UBXN11: variants seen among roughly 807,000 people sequenced by gnomAD.
UBXN11 encodes UBX domain protein 11, also known as UBX domain-containing protein 11.
UBXN11 carries 47 observed loss-of-function variants against 62.8 expected under a neutral mutation model. The ratio of observed to expected loss-of-function variants is 0.75; its 90% CI spans 0.59 to 0.95. UBXN11 has a LOEUF of 0.95. UBXN11 is among the 40% of genes least tolerant of loss of function. The pLI is 0.00. For synonymous variants in UBXN11, 294 were observed against 267.0 expected (o/e 1.10, Z -0.99); for missense variants, 638 against 661.7 (o/e 0.96, Z 0.39).
At chr1:26,300,722 G>A (rs561066152) in intron 4 of UBXN11, among the ~76,000 whole-genome samples, 1 of 152,326 alleles carries the variant, frequency 6.6e-6, no homozygotes, top group Non-Finnish European at 1.5e-5. Context: ...CTGGGGCTGG[G>A]GCTGGGCCTC....
In UBXN11 at chr1:26,282,749, T is replaced by C; in HGVS notation, c.1192A>G (p.Met398Val). The C allele has an allele frequency of 6.2e-7, 1 of 1,614,172 alleles. No individual in the cohort carries two copies. The highest frequency in any genetic ancestry group is 8.5e-7 in the Non-Finnish European group (1 of 1,180,014). Residue 398 changes from methionine to valine, a missense_variant, in exon 14 of 15, where the codon ATG (methionine) becomes GTG (valine). Transcript: ENST00000374222. ...SPNTPAPPLS[M>V]LRIKSENGEQ... ...CCATTCTCAGACTTGATGCGCAGCA[T>C]GGAGAGCGGGGGTGCCGGCGTGTTG...
Position 26,285,220 on chromosome 1 carries a change from G to A in UBXN11, c.852+244C>T, listed in dbSNP as rs926245145. The A allele has an allele frequency of 7.7e-6, 10 of 1,305,384 alleles. No homozygotes were observed. The African/African-American group carries it at 1.4e-4, about 18-fold the overall frequency. The allele number at this position is 1,305,384 out of a possible 1,614,324, so 80.9% of individuals were successfully genotyped here. ...CCTGAAAGCTGGGGAGGACTAGAAG[G>A]CAGGGGCCCCGCAGCCGAGGCTGTC... is the stretch of plus-strand genomic sequence containing the variant. On this transcript the variant is annotated intron_variant, in intron 10 of 14. Coordinates refer to ENST00000374222, the MANE Select transcript of UBXN11 (RefSeq NM_001389556.1).
At chr1:26,284,946 T>C in intron 10 of UBXN11, 1 of 1,001,568 alleles carries the variant, frequency 1.0e-6, no homozygotes, top group South Asian at 4.2e-5. Flanking sequence ...TGGTGACACA[T>C]GCTCCCTCCC....
intron 12 of UBXN11, 57 bp from the exon 13 acceptor site, chr1:26,282,994 A>C: frequency 2.5e-6 from 4 of 1,608,628 alleles, no homozygotes; most frequent in Non-Finnish European, 3.4e-6. Flanking sequence ...AGTCATCCCC[A>C]CAAACCTTAG....
In UBXN11 at chr1:26,298,080, T is replaced by C; in HGVS notation, c.200-18A>G. 6.2e-7 allele frequency: 1 copy of C among 1,609,240 alleles called. No homozygotes were observed. Among genetic ancestry groups the C allele is most frequent in the South Asian group, 1.1e-5 (1 of 90,582 alleles). On this transcript the variant is annotated intron_variant, in intron 4 of 14. Coordinates refer to ENST00000374222, the MANE Select transcript of UBXN11 (RefSeq NM_001389556.1). ...TGCAGGGACTGCCAAGCACACAAAGTCTTTAGAGCCCAGACCTAGAGCCGA... is the reference window on the plus strand; with the variant it reads ...TGCAGGGACTGCCAAGCACACAAAGCCTTTAGAGCCCAGACCTAGAGCCGA...
Position 26,301,707 on chromosome 1 carries a change from G to A in UBXN11, c.87C>T (p.Arg29=). The part of the protein sequence containing the change: ...EPMNPGRRGI[R]IYGDEDEVDM... ...GGGCACACTTACCATCTCCATAGATGCGGATTCCTCGCCTCCTGGGAACCC... is the reference window on the plus strand; with the variant it reads ...GGGCACACTTACCATCTCCATAGATACGGATTCCTCGCCTCCTGGGAACCC... Residue 29 remains arginine (R), a synonymous_variant, in exon 3 of 15, where the codon CGC becomes CGT. Transcript: ENST00000374222. 6.2e-7 allele frequency: 1 copy of A among 1,614,018 alleles called. No individual in the cohort carries two copies. The highest frequency in any genetic ancestry group is 8.5e-7 in the Non-Finnish European group (1 of 1,179,936).
chr1:26,308,506 C>A (rs148358187), upstream of UBXN11, among the ~76,000 whole-genome samples: 1 of 151,974 alleles, frequency 6.6e-6, no homozygotes, highest in African/African-American at 2.4e-5. Context: ...GGAGTCTGGG[C>A]GGAAAGTGTG....
At chr1:26,285,628 C>T in intron 9 of UBXN11, 87 bp from the exon 10 acceptor site, 1 of 1,405,320 alleles carries the variant, frequency 7.1e-7, no homozygotes, top group Admixed American at 2.6e-5. Flanking sequence ...GGCCCTAGAT[C>T]CAGGGTCACC....
At chr1:26,303,037 C>T in intron 1 of UBXN11, 119 bp from the exon 2 acceptor site, 1 of 644,952 alleles carries the variant, frequency 1.6e-6, no homozygotes. Context: ...GTCTAGGCAG[C>T]AGTACCTTTT....
chr1:26,315,899 A>T (rs2073785890), intron 1 of UBXN11, among the ~76,000 whole-genome samples: 1 of 149,828 alleles, frequency 6.7e-6, no homozygotes, highest in South Asian at 2.1e-4. Flanking sequence ...ACCTCAGGTG[A>T]TCCACCCACC....
chr1:26,309,629 A>C (rs139437642), upstream of UBXN11, among the ~76,000 whole-genome samples: 2 of 152,204 alleles, frequency 1.3e-5, no homozygotes, highest in African/African-American at 2.4e-5. Context: ...CTTGGAAAAT[A>C]ATAAGAGCCA....
At chr1:26,308,103 C>G (rs917047544), upstream of UBXN11, among the ~76,000 whole-genome samples, 2 of 151,770 alleles carry the variant, frequency 1.3e-5, no homozygotes, top group African/African-American at 2.4e-5. Context: ...CCCGTCTCTA[C>G]TAAAAATACA....
chr1:26,308,275 A>AG (rs1553165242), upstream of UBXN11, among the ~76,000 whole-genome samples: 9 of 141,282 alleles, frequency 6.4e-5, no homozygotes, highest in Admixed American at 5.0e-4. Flanking sequence ...CAAAAAAAAA[A>AG]AAAAGAAAAG....
intron 9 of UBXN11, 32 bp downstream of exon 9, chr1:26,285,791 T>C: frequency 1.3e-6 from 2 of 1,568,436 alleles, no homozygotes; most frequent in East Asian, 2.3e-5. Flanking sequence ...GCAGGGGCAC[T>C]AGAGCACCAC....
chr1:26,303,143 T>G (rs990432891), intron 1 of UBXN11: 49 of 370,762 alleles, frequency 1.3e-4, no homozygotes, highest in Admixed American at 1.7e-4. Flanking sequence ...GAGAGACCTT[T>G]GGCCTGGTGG....
At chr1:26,318,056 C>T in exon 1 of UBXN11, 1 of 1,614,168 alleles carries the variant, frequency 6.2e-7, no homozygotes. Context: ...CCATCAGCCT[C>T]CTGGTTATGG....
chr1:26,282,288 G>T lies in UBXN11; in HGVS notation c.*11C>A. The T allele has an allele frequency of 6.7e-7, 1 of 1,493,010 alleles. No individual in the cohort carries two copies. The allele number at this position is 1,493,010 out of a possible 1,614,324, so 92.5% of individuals were successfully genotyped here. A position where few individuals can be genotyped will look rare whatever the true frequency, so the allele number is the denominator to read the frequency against. Reference sequence around the variant, plus strand: ...AGCCTGGCGGAGCAGCGGGTTGAGGGGGCGGGTGCTTTATTGGGGGCTGGG... The same window carrying T: ...AGCCTGGCGGAGCAGCGGGTTGAGGTGGCGGGTGCTTTATTGGGGGCTGGG... On this transcript the variant is annotated 3_prime_UTR_variant, in exon 15 of 15. Coordinates refer to ENST00000374222, the MANE Select transcript of UBXN11 (RefSeq NM_001389556.1).
intron 4 of UBXN11, among the ~76,000 whole-genome samples, chr1:26,299,299 AC>A (rs1052208607): frequency 7.9e-5 from 12 of 151,482 alleles, no homozygotes; most frequent in Admixed American, 7.9e-4. Flanking sequence ...ATCACTTGAG[AC>A]CAGGAGTTCG....
In UBXN11 at chr1:26,285,826, T is replaced by C. The variant is rs760809064; in HGVS notation, c.771A>G (p.Thr257=). Residue 257 remains threonine, a synonymous_variant, in exon 9 of 15, where the codon ACA becomes ACG. Coordinates refer to ENST00000374222, the MANE Select transcript of UBXN11 (RefSeq NM_001389556.1). The part of the protein sequence containing the change: ...GPFQPFYDPS[T]QRCLRDILDG... ...CCCCCCCCAACACCGCTCCTACCTG[T>C]GTGGAGGGATCGTAGAAGGGCTGGA... is the stretch of plus-strand genomic sequence containing the variant. 14 of 1,604,538 alleles carry C rather than the reference T, an allele frequency of 8.7e-6. No homozygotes were observed. The highest frequency in any genetic ancestry group is 8.4e-5 in the Admixed American group (5 of 59,732).
Sources: gnomAD v4.1 joint callset for allele counts (sites outside exome capture counted in the v4.1 genomes callset) on GRCh38, gnomAD v4.1.1 for gene constraint, MANE v1.5 for transcripts, NCBI Gene and HGNC (gene_info 2026-07-23, HGNC 2026-07-21) for gene names.